SLC25A26: variants seen among roughly 807,000 people sequenced by gnomAD.
The protein encoded by SLC25A26 is solute carrier family 25 member 26.
Under a neutral mutation model 37.8 loss-of-function variants are expected in SLC25A26, and 36 were observed. The ratio of observed to expected loss-of-function variants is 0.95; its 90% confidence interval spans 0.73 to 1.26. The LOEUF is 1.26. Among genes scored for constraint, SLC25A26 ranks in the 50% most tolerant of loss-of-function variants. SLC25A26 has a pLI of 0.00. For missense variants in SLC25A26, 390 were observed against 331.1 expected (o/e 1.18, Z -1.38); for synonymous variants, 129 against 122.5 (o/e 1.05, Z -0.35).
chr3:66,266,436 A>T (rs1020022799), intron 5 of SLC25A26, among the ~76,000 whole-genome samples: 3 of 152,192 alleles, frequency 2.0e-5, no homozygotes, highest in Non-Finnish European at 4.4e-5. Context: ...CTGGAAACGT[A>T]TACATTTATT....
At chr3:66,323,550 A>G (rs1262906042) in intron 5 of SLC25A26, among the ~76,000 whole-genome samples, 4 of 152,194 alleles carry the variant, frequency 2.6e-5, no homozygotes, top group African/African-American at 9.6e-5. Context: ...GTTTGTCTGT[A>G]ATCCCAGCAC....
At chr3:66,139,209 T>C (rs1190906157) in intron 1 of SLC25A26, among the ~76,000 whole-genome samples, 1 of 152,168 alleles carries the variant, frequency 6.6e-6, no homozygotes, top group East Asian at 1.9e-4. Context: ...ACCTCCTTGA[T>C]AGTGCCATTT....
intron 5 of SLC25A26, among the ~76,000 whole-genome samples, chr3:66,316,088 T>G (rs2075531232): frequency 6.6e-6 from 1 of 152,254 alleles, no homozygotes; most frequent in Non-Finnish European, 1.5e-5. Flanking sequence ...CTGTGCCTTT[T>G]AATTGGGGGC....
At chr3:66,297,547 C>T (rs534911933) in intron 5 of SLC25A26, among the ~76,000 whole-genome samples, 38 of 152,268 alleles carry the variant, frequency 2.5e-4, no homozygotes, top group African/African-American at 7.7e-4. Flanking sequence ...TTTTGCCACT[C>T]GCTATCTTGT....
intron 5 of SLC25A26, among the ~76,000 whole-genome samples, chr3:66,269,529 A>G (rs2107342535): frequency 6.6e-6 from 1 of 152,360 alleles, no homozygotes; most frequent in African/African-American, 2.4e-5. Flanking sequence ...TGAGCTGATC[A>G]AGATTCCTAA....
chr3:66,284,962 T>C (rs2074461217), intron 5 of SLC25A26, among the ~76,000 whole-genome samples: 1 of 152,128 alleles, frequency 6.6e-6, no homozygotes. Flanking sequence ...ATTTATATGG[T>C]TTTGGAGTAC....
chr3:66,142,020 C>T (rs2070043157), intron 1 of SLC25A26, among the ~76,000 whole-genome samples: 1 of 152,182 alleles, frequency 6.6e-6, no homozygotes, highest in African/African-American at 2.4e-5. Context: ...TTAACCATTT[C>T]AAAGTGAACA....
At chr3:66,190,192 G>C (rs1277231816) in intron 1 of SLC25A26, among the ~76,000 whole-genome samples, 2 of 152,016 alleles carry the variant, frequency 1.3e-5, no homozygotes, top group Non-Finnish European at 2.9e-5. Context: ...GCATAAACCT[G>C]TAGTTCCAGC....
intron 5 of SLC25A26, among the ~76,000 whole-genome samples, chr3:66,317,014 CAT>C (rs2075558700): frequency 6.6e-6 from 1 of 152,148 alleles, no homozygotes. Flanking sequence ...AATGTTTTAT[CAT>C]GGTTCTTCAC....
chr3:66,320,358 T>A (rs1356367150), intron 5 of SLC25A26, among the ~76,000 whole-genome samples: 2 of 152,200 alleles, frequency 1.3e-5, no homozygotes, highest in Admixed American at 1.3e-4. Context: ...GACCATGTGA[T>A]ATTTGTCCTT....
chr3:66,246,872 T>G (rs2107149546), intron 3 of SLC25A26, among the ~76,000 whole-genome samples: 1 of 152,310 alleles, frequency 6.6e-6, no homozygotes, highest in East Asian at 1.9e-4. Context: ...TTTGTTTTTA[T>G]TTTGTTTAAG....
chr3:66,140,492 A>G (rs1309807001), intron 1 of SLC25A26, among the ~76,000 whole-genome samples: 1 of 152,200 alleles, frequency 6.6e-6, no homozygotes, highest in Non-Finnish European at 1.5e-5. Flanking sequence ...TAATCCTTCA[A>G]CCAGTGCACT....
At chr3:66,274,648 A>C (rs1467542851) in intron 5 of SLC25A26, among the ~76,000 whole-genome samples, 6 of 152,254 alleles carry the variant, frequency 3.9e-5, no homozygotes, top group African/African-American at 1.4e-4. Flanking sequence ...ACACATGAAA[A>C]AATGCTCATC....
chr3:66,286,893 C>G (rs1350076485), intron 5 of SLC25A26, among the ~76,000 whole-genome samples: 1 of 152,044 alleles, frequency 6.6e-6, no homozygotes. Context: ...GAACCCCTGG[C>G]CTCATGTGAT....
At chr3:66,368,815 C>T (rs971622312) in intron 7 of SLC25A26, among the ~76,000 whole-genome samples, 2 of 151,946 alleles carry the variant, frequency 1.3e-5, no homozygotes, top group Non-Finnish European at 2.9e-5. Flanking sequence ...GCAAGGAGTT[C>T]AAGACCAGGC....
At chr3:66,139,735 G>A (rs902205902) in intron 1 of SLC25A26, among the ~76,000 whole-genome samples, 4 of 152,176 alleles carry the variant, frequency 2.6e-5, no homozygotes, top group Admixed American at 1.3e-4. Flanking sequence ...AAGCATTAAT[G>A]TACTCACAGT....
At chr3:66,294,892 G>C (rs975932723) in intron 5 of SLC25A26, among the ~76,000 whole-genome samples, 1 of 152,138 alleles carries the variant, frequency 6.6e-6, no homozygotes, top group Non-Finnish European at 1.5e-5. Context: ...TTGGCTCTTA[G>C]TTGTAGGATT....
chr3:66,334,481 A>G (rs939875295), intron 5 of SLC25A26, among the ~76,000 whole-genome samples: 15 of 151,768 alleles, frequency 9.9e-5, no homozygotes, highest in Admixed American at 1.3e-4. Flanking sequence ...TGCCTGGCTA[A>G]TTTTTTGTAT....
At chr3:66,290,817 T>G (rs972295221) in intron 5 of SLC25A26, among the ~76,000 whole-genome samples, 1 of 152,240 alleles carries the variant, frequency 6.6e-6, no homozygotes, top group Non-Finnish European at 1.5e-5. Context: ...ATCAGGATGA[T>G]GTTGGCCTCA....
Sources: gnomAD v4.1 joint callset for allele counts (sites outside exome capture counted in the v4.1 genomes callset) on GRCh38, gnomAD v4.1.1 for gene constraint, MANE v1.5 for transcripts, NCBI Gene and HGNC (gene_info 2026-07-23, HGNC 2026-07-21) for gene names.